Variants in DDX60 observed in about 807,000 individuals in gnomAD.
DDX60 encodes the protein DExD/H-box helicase 60, also known as probable ATP-dependent RNA helicase DDX60.
Under a neutral mutation model 212.8 loss-of-function variants are expected in DDX60, and 165 were observed. That is an observed-to-expected ratio of 0.78 (90% CI 0.68 to 0.88). The LOEUF (loss-of-function observed/expected upper bound fraction) is 0.88, where lower values mean the gene tolerates loss of function less well. Ranked by LOEUF, DDX60 falls within the 40% of genes least tolerant of loss-of-function variation. DDX60 has a pLI of 0.00. For missense variants in DDX60, 1,905 were observed against 2,003.9 expected (o/e 0.95, Z 0.94); for synonymous variants, 703 against 685.3 (o/e 1.03, Z -0.40).
intron 30 of DDX60, among the ~76,000 whole-genome samples, chr4:168,242,471 C>T (rs1733880304): frequency 6.6e-6 from 1 of 152,214 alleles, no homozygotes; most frequent in South Asian, 2.1e-4. Flanking sequence ...GGGAGCCCAC[C>T]TCTTGCATCA....
chr4:168,291,011 C>A (rs936644234), intron 8 of DDX60, among the ~76,000 whole-genome samples: 1 of 152,056 alleles, frequency 6.6e-6, no homozygotes, highest in African/African-American at 2.4e-5. Flanking sequence ...AAGCCAAAAT[C>A]AATAACCCCA....
the DDX60 span, among the ~76,000 whole-genome samples, chr4:168,325,611 G>A: frequency 2.0e-5 from 3 of 151,184 alleles, no homozygotes; most frequent in South Asian, 2.1e-4. Flanking sequence ...ATTAAAATGA[G>A]TACACTCCAT....
chr4:168,257,594 C>A (rs1334885770), intron 25 of DDX60, among the ~76,000 whole-genome samples: 1 of 152,106 alleles, frequency 6.6e-6, no homozygotes, highest in African/African-American at 2.4e-5. Flanking sequence ...GAATATATTA[C>A]TTTTTAAAAT....
intron 1 of DDX60, among the ~76,000 whole-genome samples, chr4:168,315,907 A>G (rs1015305834): frequency 2.0e-5 from 3 of 152,214 alleles, no homozygotes; most frequent in Non-Finnish European, 2.9e-5. Context: ...GTGTCTTTAC[A>G]GTAGAATGAT....
chr4:168,254,981 G>A (rs1006232550), intron 26 of DDX60, among the ~76,000 whole-genome samples: 1 of 152,168 alleles, frequency 6.6e-6, no homozygotes, highest in Non-Finnish European at 1.5e-5. Flanking sequence ...GGCAAAGGAA[G>A]AACATTGAGC....
Position 168,308,000 on chromosome 4 carries a change from T to A in DDX60, c.264+6A>T. On this transcript the variant is annotated splice_donor_region_variant and intron_variant, in intron 4 of 37. Transcript: ENST00000393743. ...ATTATAAAAAAGAACTCAACTATCA[T>A]GTTACCTTGAAGAAAACTATGGTGA... 3 of 1,562,852 alleles carry A rather than the reference T, an allele frequency of 1.9e-6. No individual in the cohort carries two copies. The highest frequency in any genetic ancestry group is 1.2e-5 in the South Asian group (1 of 80,170).
intron 24 of DDX60, 96 bp from the exon 25 acceptor site, chr4:168,261,085 G>A (rs910235019): frequency 1.5e-6 from 2 of 1,338,052 alleles, no homozygotes; most frequent in African/African-American, 1.5e-5. Flanking sequence ...TCTAATATAT[G>A]TTTTTGGGTT....
intron 3 of DDX60, among the ~76,000 whole-genome samples, chr4:168,310,650 G>A (rs2149553590): frequency 6.6e-6 from 1 of 152,206 alleles, no homozygotes; most frequent in East Asian, 1.9e-4. Context: ...CAGAGAGAAA[G>A]CTATTGCAGT....
chr4:168,290,907 A>G (rs917646379), intron 8 of DDX60, among the ~76,000 whole-genome samples: 1 of 152,212 alleles, frequency 6.6e-6, no homozygotes, highest in Admixed American at 6.5e-5. Context: ...TTAATTGGTC[A>G]TAAAATACTT....
chr4:168,289,718 C>A (rs999135417), intron 8 of DDX60, among the ~76,000 whole-genome samples: 1 of 152,302 alleles, frequency 6.6e-6, no homozygotes, highest in South Asian at 2.1e-4. Context: ...CATACAATGA[C>A]GGCATCCCCA....
chr4:168,312,807 C>T (rs1737199641), intron 1 of DDX60, among the ~76,000 whole-genome samples: 1 of 151,118 alleles, frequency 6.6e-6, no homozygotes, highest in Non-Finnish European at 1.5e-5. Context: ...TGGTGATGCA[C>T]ATGCTGATAT....
chr4:168,220,278 GA>G (rs759555920), intron 37 of DDX60, among the ~76,000 whole-genome samples: 9 of 152,148 alleles, frequency 5.9e-5, no homozygotes, highest in Non-Finnish European at 1.3e-4. Context: ...AGACCGGATG[GA>G]ACCCTAAGGA....
chr4:168,229,067 G>A (rs1009215772), intron 33 of DDX60, among the ~76,000 whole-genome samples: 1 of 152,058 alleles, frequency 6.6e-6, no homozygotes, highest in African/African-American at 2.4e-5. Context: ...TCAGCATGTG[G>A]AGACTCACAC....
At position 168,237,278 on chromosome 4, in the gene DDX60, A is replaced by G. The variant is rs1578982103; in HGVS notation, c.4411+8T>C. 1 of 1,518,052 alleles carries G rather than the reference A, an allele frequency of 6.6e-7. No individual in the cohort carries two copies. The highest frequency in any genetic ancestry group is 2.4e-5 in the East Asian group (1 of 41,244). The allele number at this position is 1,518,052 out of a possible 1,614,324, so 94.0% of individuals were successfully genotyped here. On this transcript the variant is annotated splice_region_variant and intron_variant, in intron 32 of 37. Coordinates refer to ENST00000393743, the MANE Select transcript of DDX60 (RefSeq NM_017631.6). Reference sequence around the variant, plus strand: ...TCTCTACATATATATATAAAATCTCAAGCTTACCTTTCCTGGTTGGCTGAC... The same window carrying G: ...TCTCTACATATATATATAAAATCTCGAGCTTACCTTTCCTGGTTGGCTGAC...
At chr4:168,228,363 T>C (rs1231527494) in intron 33 of DDX60, among the ~76,000 whole-genome samples, 3 of 152,102 alleles carry the variant, frequency 2.0e-5, no homozygotes, top group African/African-American at 7.2e-5. Flanking sequence ...TTAGTGTATT[T>C]AGTACATTTA....
At chr4:168,270,333 T>C (rs1437523878) in intron 19 of DDX60, among the ~76,000 whole-genome samples, 1 of 152,202 alleles carries the variant, frequency 6.6e-6, no homozygotes, top group Non-Finnish European at 1.5e-5. Flanking sequence ...ACTATCAAAG[T>C]CAAATTATAT....
At chr4:168,296,990 CA>C (rs1245050375) in intron 6 of DDX60, among the ~76,000 whole-genome samples, 2 of 151,322 alleles carry the variant, frequency 1.3e-5, no homozygotes, top group East Asian at 3.9e-4. Context: ...CAGCTCACTG[CA>C]ACTGCCATCT....
intron 3 of DDX60, 79 bp from the exon 4 acceptor site, chr4:168,308,274 A>C: frequency 3.0e-5 from 24 of 791,198 alleles, no homozygotes; most frequent in Middle Eastern, 3.8e-4. Flanking sequence ...TTATTAGCTC[A>C]TTATCATTAT....
At chr4:168,265,458 C>T (rs1037123850) in intron 22 of DDX60, 1 of 152,152 alleles carries the variant, frequency 6.6e-6, no homozygotes, top group Non-Finnish European at 1.5e-5. Flanking sequence ...AACGGACTTA[C>T]TAATACCTAA....
Sources: allele counts gnomAD v4.1 joint callset (sites outside exome capture counted in the v4.1 genomes callset), GRCh38; gene constraint gnomAD v4.1.1; transcripts MANE v1.5; gene names NCBI Gene and HGNC (gene_info 2026-07-23, HGNC 2026-07-21).